The following ERC2 variants were observed in gnomAD, a reference collection of about 807,000 sequenced individuals.
ERC2 encodes the protein ELKS/RAB6-interacting/CAST family member 2.
A neutral mutation model predicts 114.8 loss-of-function variants in ERC2; 42 were observed. The observed-to-expected ratio is 0.37, with a 90% CI of 0.29 to 0.47. The LOEUF (loss-of-function observed/expected upper bound fraction) is 0.47, where lower values mean the gene tolerates loss of function less well. Among genes scored for constraint, ERC2 ranks in the 20% least tolerant of loss-of-function variants. ERC2 has a pLI of 0.99. For synonymous variants in ERC2, 454 were observed against 425.5 expected, an observed-to-expected ratio of 1.07 and a Z score of -0.82; for missense variants, 939 against 1,150.7, an observed-to-expected ratio of 0.82 and a Z score of 2.66.
chr3:56,017,806 C>CAGGAT (rs1259871080), intron 8 of ERC2, among the ~76,000 whole-genome samples: 1 of 152,090 alleles, frequency 6.6e-6, no homozygotes, highest in Non-Finnish European at 1.5e-5. Flanking sequence ...CCATTAGAGC[C>CAGGAT]AGGATTTTCA....
At chr3:55,642,612 A>G (rs1290323534) in intron 17 of ERC2, among the ~76,000 whole-genome samples, 1 of 152,112 alleles carries the variant, frequency 6.6e-6, no homozygotes, top group East Asian at 1.9e-4. Context: ...TACAGGTGTG[A>G]TCCACTGTGC....
At chr3:56,053,985 T>G (rs1359883210) in intron 7 of ERC2, among the ~76,000 whole-genome samples, 1 of 151,958 alleles carries the variant, frequency 6.6e-6, no homozygotes, top group Non-Finnish European at 1.5e-5. Flanking sequence ...CCGAATAGGC[T>G]GAGATCATTT....
At chr3:56,355,030 C>T (rs1471583083) in intron 2 of ERC2, among the ~76,000 whole-genome samples, 3 of 152,266 alleles carry the variant, frequency 2.0e-5, no homozygotes, top group South Asian at 2.1e-4. Context: ...CTGGAAGGTG[C>T]CTATTTCCTA....
At chr3:55,836,451 T>A (rs1461340716) in intron 14 of ERC2, among the ~76,000 whole-genome samples, 1 of 152,090 alleles carries the variant, frequency 6.6e-6, no homozygotes, top group African/African-American at 2.4e-5. Context: ...ATAATGCCGC[T>A]TATCTACAAT....
At chr3:55,567,982 G>A (rs1056043080) in intron 17 of ERC2, among the ~76,000 whole-genome samples, 1 of 152,130 alleles carries the variant, frequency 6.6e-6, no homozygotes, top group African/African-American at 2.4e-5. Context: ...TGTTTTCAGT[G>A]GTTTTTCATT....
intron 15 of ERC2, among the ~76,000 whole-genome samples, chr3:55,712,229 T>G (rs1190636753): frequency 1.3e-5 from 2 of 152,174 alleles, no homozygotes; most frequent in Admixed American, 6.6e-5. Flanking sequence ...TTGGGGCTGA[T>G]TTCAGGAAGA....
At chr3:55,972,150 T>C (rs1044180942) in intron 12 of ERC2, among the ~76,000 whole-genome samples, 2 of 152,136 alleles carry the variant, frequency 1.3e-5, no homozygotes, top group African/African-American at 4.8e-5. Context: ...GGGTCAGGCA[T>C]TGAGAACACA....
intron 7 of ERC2, among the ~76,000 whole-genome samples, chr3:56,035,661 C>T (rs11916503): frequency 0.028 from 4,329 of 152,286 alleles, 213 homozygotes; most frequent in African/African-American, 0.099. Flanking sequence ...TACAGCCTTC[C>T]TCCTCTCTGG....
intron 17 of ERC2, among the ~76,000 whole-genome samples, chr3:55,670,105 A>T (rs1337185468): frequency 6.6e-6 from 1 of 152,228 alleles, no homozygotes; most frequent in Non-Finnish European, 1.5e-5. Flanking sequence ...TCCATGAGGG[A>T]GGAAAATGTA....
chr3:55,916,741 T>C (rs1211366390), intron 13 of ERC2, among the ~76,000 whole-genome samples: 1 of 152,150 alleles, frequency 6.6e-6, no homozygotes, highest in Non-Finnish European at 1.5e-5. Flanking sequence ...CTGTATATAA[T>C]ATGGCCTGGC....
intron 17 of ERC2, among the ~76,000 whole-genome samples, chr3:55,542,436 G>C (rs1278864431): frequency 6.6e-6 from 1 of 152,104 alleles, no homozygotes; most frequent in African/African-American, 2.4e-5. Context: ...GAGAGTAGTG[G>C]CACCTGTATT....
At chr3:55,880,831 G>A (rs147812991) in intron 14 of ERC2, among the ~76,000 whole-genome samples, 3 of 151,514 alleles carry the variant, frequency 2.0e-5, no homozygotes, top group African/African-American at 7.3e-5. Context: ...GAATGGAGAA[G>A]GCCAAGTTGT....
At chr3:56,364,397 A>C (rs2059075856) in intron 2 of ERC2, among the ~76,000 whole-genome samples, 2 of 152,254 alleles carry the variant, frequency 1.3e-5, no homozygotes, top group Admixed American at 6.5e-5. Flanking sequence ...ATTTTATGTC[A>C]AATGTTATGT....
rs73078547 is a variant in ERC2, at chr3:56,190,779, G to T, written c.1075-17259C>A. On this transcript the variant is annotated intron_variant, in intron 3 of 17. Coordinates refer to ENST00000288221, the MANE Select transcript of ERC2 (RefSeq NM_015576.3). ...TGTAGAGATGGGGTCTCATCTTGTT[G>T]CCTAGGCTGTTCTCAAGCTCCTGGG... is the stretch of plus-strand genomic sequence containing the variant. Among the ~76,000 whole-genome samples the T allele has an allele frequency of 9.0e-3, 1,369 of 152,060 alleles. 7 individuals are homozygous for T. The highest frequency in any genetic ancestry group is 0.015 in the Non-Finnish European group (1,017 of 67,984).
intron 6 of ERC2, among the ~76,000 whole-genome samples, chr3:56,090,490 T>C (rs1433560098): frequency 6.6e-6 from 1 of 152,024 alleles, no homozygotes; most frequent in Admixed American, 6.6e-5. Flanking sequence ...AGGTTGGAGG[T>C]AGTGGAGGTA....
intron 13 of ERC2, among the ~76,000 whole-genome samples, chr3:55,897,930 C>A (rs12108171): frequency 0.099 from 15,044 of 152,170 alleles, 902 homozygotes; most frequent in African/African-American, 0.15. Flanking sequence ...CATCAAGGAG[C>A]TTTGCTTACA....
At chr3:55,698,253 T>C (rs1258294356) in intron 16 of ERC2, among the ~76,000 whole-genome samples, 1 of 152,000 alleles carries the variant, frequency 6.6e-6, no homozygotes, top group African/African-American at 2.4e-5. Flanking sequence ...GCTCAGGGGC[T>C]GGGGAGCCTC....
At chr3:55,610,872 A>T (rs1237263271) in intron 17 of ERC2, 2 of 152,236 alleles carry the variant, frequency 1.3e-5, no homozygotes, top group Non-Finnish European at 2.9e-5. Context: ...GCAGTGAGGC[A>T]TCTATATGGT....
At chr3:55,513,070 T>C (rs2052208408) in intron 17 of ERC2, among the ~76,000 whole-genome samples, 1 of 152,228 alleles carries the variant, frequency 6.6e-6, no homozygotes, top group Non-Finnish European at 1.5e-5. Context: ...CTCCCTCACC[T>C]GGACAGTCAC....
Sources: gnomAD v4.1 joint callset for allele counts (sites outside exome capture counted in the v4.1 genomes callset) on GRCh38, gnomAD v4.1.1 for gene constraint, MANE v1.5 for transcripts, NCBI Gene and HGNC (gene_info 2026-07-23, HGNC 2026-07-21) for gene names.